The following KLF12 variants were observed in gnomAD, a reference collection of about 807,000 sequenced individuals.
The protein encoded by KLF12 is Krueppel-like factor 12.
In KLF12, 9 loss-of-function variants were observed where a neutral mutation model predicts 37.8. The observed-to-expected ratio is 0.24, with a 90% confidence interval of 0.14 to 0.42. KLF12 has a LOEUF of 0.42. Among genes scored for constraint, KLF12 ranks in the 10% least tolerant of loss-of-function variants. KLF12 has a pLI of 1.00. For missense variants in KLF12, 411 were observed against 516.0 expected, an observed-to-expected ratio of 0.80 and a Z score of 1.97; for synonymous variants, 208 against 202.1, an observed-to-expected ratio of 1.03 and a Z score of -0.25.
the KLF12 span, among the ~76,000 whole-genome samples, chr13:74,207,585 G>T: frequency 6.6e-6 from 1 of 152,142 alleles, no homozygotes. Context: ...CTAAGGCAGA[G>T]AATTGCTTGA....
chr13:73,724,165 G>GAAAAAGAAAATGTGGCAC (rs1876491483), intron 6 of KLF12, among the ~76,000 whole-genome samples: 1 of 152,088 alleles, frequency 6.6e-6, no homozygotes, highest in Non-Finnish European at 1.5e-5. Context: ...TGATAGACTG[G>GAAAAAGAAAATGTGGCAC]AAAAAGAAAA....
chr13:74,172,329 A>T, the KLF12 span, among the ~76,000 whole-genome samples: 1 of 152,210 alleles, frequency 6.6e-6, no homozygotes, highest in South Asian at 2.1e-4. Flanking sequence ...AAAACCCTTT[A>T]TTGGGAAAGA....
At chr13:73,894,118 T>C (rs1408972073) in intron 3 of KLF12, among the ~76,000 whole-genome samples, 1 of 152,170 alleles carries the variant, frequency 6.6e-6, no homozygotes, top group Non-Finnish European at 1.5e-5. Context: ...TGTCTGTCAA[T>C]GCCTTCCATT....
At chr13:73,859,522 T>C (rs1885805300) in intron 3 of KLF12, among the ~76,000 whole-genome samples, 1 of 152,154 alleles carries the variant, frequency 6.6e-6, no homozygotes, top group Admixed American at 6.5e-5. Context: ...AAATACCAAC[T>C]GAAGAGAATA....
chr13:74,089,217 C>T lies in KLF12; in HGVS notation c.-32+44522G>A, dbSNP rs80143609. Among the ~76,000 whole-genome samples, 92 of 152,210 alleles carry T rather than the reference C, an allele frequency of 6.0e-4. No homozygotes were observed. The East Asian group carries it at 0.015, about 24-fold the overall frequency. ...TGCACACAGAGTCAAGGAAAACTTC[C>T]ACCCGCCCCCTACAAAAAAAGGTGG... On this transcript the variant is annotated intron_variant, in intron 1 of 7. Coordinates refer to ENST00000377669, the MANE Select transcript of KLF12 (RefSeq NM_007249.5).
At chr13:74,007,594 T>C (rs17061921) in intron 1 of KLF12, among the ~76,000 whole-genome samples, 4,160 of 152,160 alleles carry the variant, frequency 0.027, 114 homozygotes, top group East Asian at 0.093. Context: ...GTATTTTTCA[T>C]TACCCCAATA....
intron 1 of KLF12, among the ~76,000 whole-genome samples, chr13:74,039,523 C>A (rs1454617622): frequency 6.6e-6 from 1 of 151,648 alleles, no homozygotes; most frequent in Non-Finnish European, 1.5e-5. Context: ...CAACGAGACC[C>A]CATCTCCAAA....
chr13:74,051,341 A>ACACACACACAC (rs1872911332), intron 1 of KLF12, among the ~76,000 whole-genome samples: 5 of 143,690 alleles, frequency 3.5e-5, no homozygotes, highest in Non-Finnish European at 7.5e-5. Flanking sequence ...TACACACACA[A>ACACACACACAC]ACACACACAC....
intron 3 of KLF12, among the ~76,000 whole-genome samples, chr13:73,911,048 A>T (rs1370510674): frequency 6.6e-6 from 1 of 152,108 alleles, no homozygotes; most frequent in Non-Finnish European, 1.5e-5. Flanking sequence ...TGTAATAAAT[A>T]AATTCCTTTT....
chr13:74,278,389 G>A, the KLF12 span, among the ~76,000 whole-genome samples: 1 of 152,110 alleles, frequency 6.6e-6, no homozygotes, highest in Non-Finnish European at 1.5e-5. Flanking sequence ...GTTCATCACC[G>A]ACATGGCCCT....
At chr13:73,956,009 ATAAAT>A (rs1395963338) in intron 2 of KLF12, among the ~76,000 whole-genome samples, 1 of 152,234 alleles carries the variant, frequency 6.6e-6, no homozygotes, top group Non-Finnish European at 1.5e-5. Context: ...ATGTACATAA[ATAAAT>A]TAAATCCAGC....
the KLF12 span, among the ~76,000 whole-genome samples, chr13:74,144,027 G>T: frequency 1.3e-5 from 2 of 152,290 alleles, no homozygotes; most frequent in Admixed American, 6.5e-5. Context: ...CATACAGTCT[G>T]TCTGTGTCTG....
intron 5 of KLF12, among the ~76,000 whole-genome samples, chr13:73,779,460 T>C (rs1049414207): frequency 3.9e-5 from 6 of 152,216 alleles, no homozygotes; most frequent in Admixed American, 1.3e-4. Flanking sequence ...TACATCCATG[T>C]GCTGGGAGGA....
At chr13:73,822,505 G>T (rs1883584870) in intron 4 of KLF12, among the ~76,000 whole-genome samples, 1 of 152,066 alleles carries the variant, frequency 6.6e-6, no homozygotes, top group Admixed American at 6.6e-5. Flanking sequence ...CCAGGCTAGA[G>T]GATCATTTGA....
chr13:74,171,688 G>C, the KLF12 span, among the ~76,000 whole-genome samples: 1 of 152,138 alleles, frequency 6.6e-6, no homozygotes, highest in Non-Finnish European at 1.5e-5. Context: ...TAATGAAATG[G>C]AATGGAAAGA....
chr13:74,208,440 T>C, the KLF12 span, among the ~76,000 whole-genome samples: 1 of 152,214 alleles, frequency 6.6e-6, no homozygotes, highest in Admixed American at 6.5e-5. Flanking sequence ...ATTGAATGCA[T>C]ATTTTAAAAA....
At chr13:74,191,182 T>A in the KLF12 span, among the ~76,000 whole-genome samples, 1 of 152,214 alleles carries the variant, frequency 6.6e-6, no homozygotes, top group Admixed American at 6.5e-5. Context: ...GGATTTTATG[T>A]GAAGCATGTG....
Position 73,694,691 on chromosome 13 carries a change from T to C in KLF12, c.*799A>G, listed in dbSNP as rs1410432098. Reference sequence around the variant, plus strand: ...AACACTGCAATTTGAAGTGGGGCAGTAGTTTTTTAGACAGGCTCTTCCTAT... The same window carrying C: ...AACACTGCAATTTGAAGTGGGGCAGCAGTTTTTTAGACAGGCTCTTCCTAT... On this transcript the variant is annotated 3_prime_UTR_variant, in exon 8 of 8. Coordinates refer to ENST00000377669, the MANE Select transcript of KLF12 (RefSeq NM_007249.5). The C allele has an allele frequency of 6.6e-6, 1 of 152,670 alleles. No individual in the cohort carries two copies. The highest frequency in any genetic ancestry group is 2.4e-5 in the African/African-American group (1 of 41,454). The allele number at this position is 152,670 out of a possible 1,614,324, so 9.5% of individuals were successfully genotyped here.
intron 2 of KLF12, chr13:73,961,887 C>G (rs1891033357): frequency 2.5e-6 from 1 of 407,910 alleles, no homozygotes; most frequent in African/African-American, 2.1e-5. Flanking sequence ...ACTCTCATTT[C>G]TGGTAGAAAT....
Sources: gnomAD v4.1 joint callset for allele counts (sites outside exome capture counted in the v4.1 genomes callset) on GRCh38, gnomAD v4.1.1 for gene constraint, MANE v1.5 for transcripts, NCBI Gene and HGNC (gene_info 2026-07-23, HGNC 2026-07-21) for gene names.